The following MPC2 variants were observed in gnomAD, a reference collection of about 807,000 sequenced individuals.
MPC2 encodes the protein mitochondrial pyruvate carrier 2.
MPC2 carries 19 observed loss-of-function variants against 19.2 expected under a neutral mutation model. The observed-to-expected ratio is 0.99, with a 90% CI of 0.69 to 1.45. The LOEUF is 1.45. Among genes scored for constraint, MPC2 ranks in the 40% most tolerant of loss-of-function variants. The pLI is 0.00. For synonymous variants in MPC2, 61 were observed against 54.3 expected (o/e 1.12, Z -0.54); for missense variants, 122 against 153.0 (o/e 0.80, Z 1.07).
In MPC2 at chr1:167,934,767, T is replaced by C. The variant is rs1225519683; in HGVS notation, c.109+966A>G. Among the ~76,000 whole-genome samples, 4 of 152,188 alleles carry C rather than the reference T, an allele frequency of 2.6e-5. No individual in the cohort carries two copies. In the East Asian group the frequency reaches 7.7e-4, roughly 29 times the overall value. On this transcript the variant is annotated intron_variant, in intron 2 of 5. Transcript: ENST00000271373. ...TTCGGGTAGCACTTCAGTCTTTCAA[T>C]TTACAACACATTTTCTAGTTTGCCA...
rs1357682936 is a variant in MPC2 at position 167,937,021 on chromosome 1, C to T, written c.-140G>A. ...AGTCGCTACCTGGGTGAGCGGGGGC[C>T]CCGGGGCGGAGGCGCTGAGGTCGCC... On this transcript the variant is annotated 5_prime_UTR_variant, in exon 1 of 6. Transcript: ENST00000271373. The T allele has an allele frequency of 6.2e-7, 1 of 1,602,154 alleles. No individual in the cohort carries two copies. The highest frequency in any genetic ancestry group is 1.1e-5 in the South Asian group (1 of 89,064).
chr1:167,932,808 C>CAAAAA (rs965449372), intron 2 of MPC2, among the ~76,000 whole-genome samples: 82 of 52,446 alleles, frequency 1.6e-3, no homozygotes, highest in East Asian at 3.2e-3. Context: ...GACTCTGTCT[C>CAAAAA]AAAAAAAAAA....
At chr1:167,920,421 TA>T in intron 4 of MPC2, 125 bp downstream of exon 4, 1 of 980,676 alleles carries the variant, frequency 1.0e-6, no homozygotes, top group Non-Finnish European at 1.5e-6. Flanking sequence ...TTCCTAGACA[TA>T]ATACTGTTAA....
At position 167,919,965 on chromosome 1, in the gene MPC2, T is replaced by G. The variant is rs370288807; in HGVS notation, c.347+14A>C. 3.2e-6 allele frequency: 5 copies of G among 1,576,780 alleles called. No individual in the cohort carries two copies. Among genetic ancestry groups the G allele is most frequent in the Non-Finnish European group, 2.6e-6 (3 of 1,160,144 alleles). On this transcript the variant is annotated intron_variant, in intron 5 of 5. Coordinates refer to ENST00000271373, the MANE Select transcript of MPC2 (RefSeq NM_001143674.4). The stretch of plus-strand genomic sequence containing the variant: ...CTTTTGCAACAGTTTTAAAAATATC[T>G]CTGGTAGGCTTACCTCCAAATACGA...
intron 2 of MPC2, among the ~76,000 whole-genome samples, chr1:167,926,549 G>A (rs76939723): frequency 0.012 from 1,758 of 152,302 alleles, 38 homozygotes; most frequent in African/African-American, 0.039. Context: ...CCAAGTCAGC[G>A]GTTCTCAACC....
intron 3 of MPC2, among the ~76,000 whole-genome samples, chr1:167,921,964 A>G (rs74411523): frequency 0.021 from 3,261 of 152,328 alleles, 112 homozygotes; most frequent in African/African-American, 0.074. Flanking sequence ...GGTTTCAACT[A>G]AAGTGGTTAC....
chr1:167,936,272 G>T (rs1015097790), intron 1 of MPC2: 5 of 208,318 alleles, frequency 2.4e-5, no homozygotes, highest in Non-Finnish European at 4.9e-5. Flanking sequence ...TGTTGGAGAA[G>T]GGAAAGTGAA....
chr1:167,931,086 C>T (rs954307024), intron 2 of MPC2, among the ~76,000 whole-genome samples: 8 of 152,206 alleles, frequency 5.3e-5, no homozygotes, highest in African/African-American at 1.9e-4. Flanking sequence ...TGTGCACCAC[C>T]ATGCCCAGCT....
At chr1:167,924,419 A>G in intron 3 of MPC2, 78 bp downstream of exon 3, 1 of 1,231,446 alleles carries the variant, frequency 8.1e-7, no homozygotes, top group Non-Finnish European at 1.2e-6. Context: ...TATATCCTTC[A>G]TAAAAGTTAC....
intron 3 of MPC2, among the ~76,000 whole-genome samples, chr1:167,922,733 T>C (rs1275773519): frequency 6.6e-6 from 1 of 152,174 alleles, no homozygotes; most frequent in Non-Finnish European, 1.5e-5. Context: ...GATTGAGTCA[T>C]AGCCAATTCC....
intron 2 of MPC2, among the ~76,000 whole-genome samples, chr1:167,932,746 T>C (rs1571519735): frequency 6.7e-6 from 1 of 148,916 alleles, no homozygotes; most frequent in African/African-American, 2.5e-5. Context: ...GAGGCCAAGG[T>C]TGCAGTGAGC....
chr1:167,929,356 T>C (rs1670842868), intron 2 of MPC2, among the ~76,000 whole-genome samples: 1 of 151,500 alleles, frequency 6.6e-6, no homozygotes, highest in African/African-American at 2.4e-5. Context: ...CGAAACTCCG[T>C]CTCGAAAAAA....
intron 2 of MPC2, among the ~76,000 whole-genome samples, chr1:167,932,808 CAAAAAAA>C (rs965449372): frequency 1.8e-5 from 1 of 54,964 alleles, no homozygotes; most frequent in African/African-American, 5.6e-5. Flanking sequence ...GACTCTGTCT[CAAAAAAA>C]AAAAAAAAAA....
intron 2 of MPC2, among the ~76,000 whole-genome samples, chr1:167,926,098 A>G (rs1315103999): frequency 6.6e-6 from 1 of 152,200 alleles, no homozygotes; most frequent in Non-Finnish European, 1.5e-5. Context: ...TTGTGGGACT[A>G]CTCAGCCCAT....
chr1:167,925,474 T>TATATATATATAC (rs1435671188), intron 2 of MPC2, among the ~76,000 whole-genome samples: 1 of 96,814 alleles, frequency 1.0e-5, no homozygotes, highest in South Asian at 3.1e-4. Flanking sequence ...TATATATATA[T>TATATATATATAC]ACATATACAT....
At chr1:167,924,639 C>T (rs1670688271) in intron 2 of MPC2, 102 bp from the exon 3 acceptor site, 1 of 842,284 alleles carries the variant, frequency 1.2e-6, no homozygotes, top group Non-Finnish European at 1.8e-6. Flanking sequence ...GATTTATCAA[C>T]CTATTTTTAA....
intron 3 of MPC2, among the ~76,000 whole-genome samples, chr1:167,924,092 T>C (rs1213717007): frequency 6.6e-6 from 1 of 152,212 alleles, no homozygotes; most frequent in East Asian, 1.9e-4. Flanking sequence ...AATAAATCCA[T>C]CTACTTTTTG....
At chr1:167,919,898 A>AC in intron 5 of MPC2, 81 bp downstream of exon 5, 1 of 882,936 alleles carries the variant, frequency 1.1e-6, no homozygotes, top group Non-Finnish European at 1.8e-6. Context: ...ACAGAGCGAG[A>AC]CCCCGTCTCA....
chr1:167,936,514 G>C (rs1671230274), intron 1 of MPC2: 1 of 223,648 alleles, frequency 4.5e-6, no homozygotes, highest in Admixed American at 5.6e-5. Context: ...TCCAGGGTGA[G>C]GGCAGCCGCA....
Sources: gnomAD v4.1 joint callset for allele counts (sites outside exome capture counted in the v4.1 genomes callset) on GRCh38, gnomAD v4.1.1 for gene constraint, MANE v1.5 for transcripts, NCBI Gene and HGNC (gene_info 2026-07-23, HGNC 2026-07-21) for gene names.